The following MRPL21 variants were observed in gnomAD, a reference collection of about 807,000 sequenced individuals.
The protein encoded by MRPL21 is mitochondrial ribosomal protein L21.
MRPL21 carries 20 observed loss-of-function variants against 27.3 expected under a neutral mutation model. The observed-to-expected ratio is 0.73, with a 90% confidence interval of 0.52 to 1.06. The LOEUF (loss-of-function observed/expected upper bound fraction) is 1.06, where lower values mean the gene tolerates loss of function less well. Ranked by LOEUF, MRPL21 falls within the 50% of genes least tolerant of loss-of-function variation. The probability of loss-of-function intolerance (pLI) is 0.00; values close to 1 mark genes in which losing one functional copy is unlikely to be tolerated. For synonymous variants in MRPL21, 98 were observed against 101.5 expected, an observed-to-expected ratio of 0.97 and a Z score of 0.21; for missense variants, 249 against 251.4, an observed-to-expected ratio of 0.99 and a Z score of 0.06.
At chr11:68,895,195 C>A (rs760651935) in intron 4 of MRPL21, among the ~76,000 whole-genome samples, 6 of 151,748 alleles carry the variant, frequency 4.0e-5, no homozygotes, top group South Asian at 4.2e-4. Context: ...ACCCGGAAGG[C>A]AGAGGTTGCA....
At chr11:68,892,695 G>A in intron 6 of MRPL21, 195 bp downstream of exon 6, 1 of 1,524,858 alleles carries the variant, frequency 6.6e-7, no homozygotes, top group Non-Finnish European at 8.8e-7. Flanking sequence ...CGTGGAGCGT[G>A]GAGGAGAAGG....
At position 68,893,070 on chromosome 11, in the gene MRPL21, G is replaced by A. The variant is rs1857692943; in HGVS notation, c.450-77C>T. The A allele has an allele frequency of 6.9e-6, 10 of 1,439,644 alleles. No homozygotes were observed. The South Asian group carries it at 1.3e-4, about 19-fold the overall frequency. 89.2% of individuals were successfully genotyped at this position (1,439,644 alleles called of 1,614,324 possible). On this transcript the variant is annotated intron_variant, in intron 5 of 6. Transcript: ENST00000362034. ...TGCCTTAGGTGAGAATTTCTAAAATGAAGTTATACTTTCTCTTTTGTTGAT... is the reference window on the plus strand; with the variant it reads ...TGCCTTAGGTGAGAATTTCTAAAATAAAGTTATACTTTCTCTTTTGTTGAT...
intron 3 of MRPL21, among the ~76,000 whole-genome samples, chr11:68,897,228 A>G (rs1201899289): frequency 6.6e-6 from 1 of 151,974 alleles, no homozygotes; most frequent in Non-Finnish European, 1.5e-5. Context: ...CTCTGCTCTG[A>G]CCCAGGTCAC....
chr11:68,899,448 GGAAT>G (rs1298985505), intron 2 of MRPL21, among the ~76,000 whole-genome samples: 1 of 152,220 alleles, frequency 6.6e-6, no homozygotes, highest in Non-Finnish European at 1.5e-5. Flanking sequence ...ATCTGGGAGA[GGAAT>G]GAATGCTTTC....
rs771167458 is a variant in MRPL21, at chr11:68,893,456, C to T, written c.397-1G>A. 2 of 1,614,164 alleles carry T rather than the reference C, an allele frequency of 1.2e-6. No homozygotes were observed. The highest frequency in any genetic ancestry group is 1.7e-6 in the Non-Finnish European group (2 of 1,180,034). On this transcript the variant is annotated splice_acceptor_variant, in intron 4 of 6. Transcript: ENST00000362034. LOFTEE classifies it high-confidence loss of function. ...AGTTGTCTGCCCCAACCAGCAGGAC[C>T]TGAAAAATTCAACAGGTGTGTTTCA...
Position 68,903,737 on chromosome 11 carries a change from G to C in MRPL21, c.74C>G (p.Ser25Trp). 1 of 1,613,272 alleles carries C rather than the reference G, an allele frequency of 6.2e-7. No individual in the cohort carries two copies. Among genetic ancestry groups the C allele is most frequent in the South Asian group, 1.1e-5 (1 of 91,086 alleles). The change falls in exon 1 of 7, where the codon TCG (serine) becomes TGG (tryptophan). Residue 25 changes from serine (S) to tryptophan (W), a missense_variant. Transcript: ENST00000362034. ...SACSHSILRP[S>W]GPGAASLWSA... ...CCAGGTCTCACCTGCTCCGGGCCCC[G>C]AAGGTCTCAGGATGCTGTGGCTGCA...
rs1022959231 is a variant in MRPL21 at position 68,903,782 on chromosome 11, A to G, written c.29T>C (p.Leu10Ser). Residue 10 changes from leucine (L) to serine (S), a missense_variant, in exon 1 of 7, where the codon TTA (leucine) becomes TCA (serine). Coordinates refer to ENST00000362034, the MANE Select transcript of MRPL21 (RefSeq NM_181514.2). ...GCTGCACGCGGACGCCAGCCGCCCT[A>G]AGGTGACCGTCAGGGAAGATGCTGC... MAASSLTVT[L>S]GRLASACSHS... 1.2e-6 allele frequency: 2 copies of G among 1,612,676 alleles called. No homozygotes were observed. Among genetic ancestry groups the G allele is most frequent in the South Asian group, 1.1e-5 (1 of 91,076 alleles).
At chr11:68,901,950 G>A (rs958930416) in intron 1 of MRPL21, among the ~76,000 whole-genome samples, 3 of 152,040 alleles carry the variant, frequency 2.0e-5, no homozygotes, top group Non-Finnish European at 4.4e-5. Context: ...CTCTTCTCTC[G>A]CACACTACTC....
chr11:68,902,566 T>C (rs1857978481), intron 1 of MRPL21, among the ~76,000 whole-genome samples: 1 of 152,228 alleles, frequency 6.6e-6, no homozygotes, highest in Non-Finnish European at 1.5e-5. Flanking sequence ...ATATGTCCCC[T>C]GTCCATGTGC....
Position 68,903,818 on chromosome 11 carries a change from G to A in MRPL21, c.-8C>T. ...CAGGGAAGATGCTGCCATGGCCGCA[G>A]CCTCGGCCGGAAACGGAAACGACGC... On this transcript the variant is annotated 5_prime_UTR_variant, in exon 1 of 7. Transcript: ENST00000362034. 1 of 1,612,626 alleles carries A rather than the reference G, an allele frequency of 6.2e-7. No homozygotes were observed. Among genetic ancestry groups the A allele is most frequent in the Middle Eastern group, 1.7e-4 (1 of 6,060 alleles).
chr11:68,894,083 G>C (rs934151445), intron 4 of MRPL21, among the ~76,000 whole-genome samples: 1 of 151,968 alleles, frequency 6.6e-6, no homozygotes. Context: ...ATAACATAGA[G>C]AGAAAAAGCA....
intron 4 of MRPL21, among the ~76,000 whole-genome samples, chr11:68,895,851 A>C (rs946268311): frequency 6.6e-6 from 1 of 152,022 alleles, no homozygotes; most frequent in African/African-American, 2.4e-5. Context: ...TTGGAATTTT[A>C]GTAGAGATGA....
intron 6 of MRPL21, chr11:68,891,798 G>A: frequency 2.2e-6 from 1 of 464,160 alleles, no homozygotes; most frequent in Non-Finnish European, 3.8e-6. Flanking sequence ...AGTATTCTGG[G>A]TATATTTAAC....
chr11:68,896,830 C>T, intron 3 of MRPL21, 152 bp from the exon 4 acceptor site: 3 of 915,938 alleles, frequency 3.3e-6, no homozygotes, highest in Non-Finnish European at 5.0e-6. Context: ...CCAGCCCCTG[C>T]TCCACCCCCT....
intron 1 of MRPL21, among the ~76,000 whole-genome samples, chr11:68,902,339 T>A (rs1263206435): frequency 6.6e-6 from 1 of 152,242 alleles, no homozygotes; most frequent in African/African-American, 2.4e-5. Flanking sequence ...AGTTTTATTA[T>A]GGAAAATGTC....
chr11:68,892,031 G>A (rs1857657825), intron 6 of MRPL21: 1 of 1,255,416 alleles, frequency 8.0e-7, no homozygotes, highest in Non-Finnish European at 1.0e-6. Flanking sequence ...TCATGGGTTG[G>A]AACAAAGTGG....
chr11:68,892,007 G>T (rs1196085018), intron 6 of MRPL21: 3 of 1,049,800 alleles, frequency 2.9e-6, no homozygotes, highest in Non-Finnish European at 3.8e-6. Context: ...CTGCTTTGGG[G>T]ACAGTGCTAG....
At chr11:68,892,766 C>T (rs997579714) in intron 6 of MRPL21, 124 bp downstream of exon 6, 5 of 1,541,806 alleles carry the variant, frequency 3.2e-6, no homozygotes, top group Non-Finnish European at 4.4e-6. Context: ...TGGGCAGTGG[C>T]AGCCAGGTTG....
intron 2 of MRPL21, 110 bp downstream of exon 2, chr11:68,900,438 G>A (rs755529245): frequency 9.5e-7 from 1 of 1,056,976 alleles, no homozygotes; most frequent in African/African-American, 1.6e-5. Flanking sequence ...AAAAACAAAA[G>A]AGGAAATTTA....
Sources: allele counts gnomAD v4.1 joint callset (sites outside exome capture counted in the v4.1 genomes callset), GRCh38; gene constraint gnomAD v4.1.1; transcripts MANE v1.5; gene names NCBI Gene and HGNC (gene_info 2026-07-23, HGNC 2026-07-21).